HTR2A: variants seen among roughly 807,000 people sequenced by gnomAD.
HTR2A encodes 5-hydroxytryptamine receptor 2A, also known as 5-HT2 receptor.
Under a neutral mutation model 31.0 loss-of-function variants are expected in HTR2A, and 14 were observed. That is an observed-to-expected ratio of 0.45 (90% CI 0.30 to 0.71). HTR2A has a LOEUF of 0.71. HTR2A is among the 30% of genes least tolerant of loss of function. HTR2A has a pLI of 0.09. For synonymous variants in HTR2A, 209 were observed against 225.2 expected, an observed-to-expected ratio of 0.93 and a Z score of 0.64; for missense variants, 442 against 573.3, an observed-to-expected ratio of 0.77 and a Z score of 2.34.
chr13:46,876,657 C>G (rs1172798860), intron 3 of HTR2A, among the ~76,000 whole-genome samples: 10 of 151,854 alleles, frequency 6.6e-5, no homozygotes, highest in Admixed American at 4.6e-4. Flanking sequence ...ACCTTGTGAT[C>G]CATCCGCCTC....
intron 3 of HTR2A, among the ~76,000 whole-genome samples, chr13:46,838,788 A>G (rs1486980574): frequency 6.6e-6 from 1 of 152,192 alleles, no homozygotes; most frequent in Non-Finnish European, 1.5e-5. Context: ...TGATTTTGTT[A>G]TTAAACTCTT....
rs1294300613 is a variant in HTR2A at position 46,895,443 on chromosome 13, A to C, written c.412+52T>G. 2 of 1,555,426 alleles carry C rather than the reference A, an allele frequency of 1.3e-6. No homozygotes were observed. Among genetic ancestry groups the C allele is most frequent in the African/African-American group, 1.4e-5 (1 of 73,866 alleles). The stretch of plus-strand genomic sequence containing the variant: ...CCCATCTCATCTGCTGGTGGCATGC[A>C]CATGCTCTTTATTACCAGTGCGAAT... On this transcript the variant is annotated intron_variant, in intron 2 of 3. Transcript: ENST00000542664. The surrounding 1 kb of genome is among the most constrained non-coding windows in gnomAD (Gnocchi z 4.4).
rs908672922 is a variant in HTR2A at position 46,833,373 on chromosome 13, T to C, written c.*1464A>G. On this transcript the variant is annotated 3_prime_UTR_variant, in exon 4 of 4. Transcript: ENST00000542664. ...GTCATTTTCTTTTTTTCTTTCTTTT[T>C]TTTTGTGATAGGGTCTCACTCTGTT... 6.6e-6 allele frequency: 1 copy of C among 152,140 alleles called. No individual in the cohort carries two copies. Among genetic ancestry groups the C allele is most frequent in the African/African-American group, 2.4e-5 (1 of 41,420 alleles). 9.4% of individuals were successfully genotyped at this position (152,140 alleles called of 1,614,324 possible).
At chr13:46,878,317 C>T (rs1255630862) in intron 3 of HTR2A, among the ~76,000 whole-genome samples, 2 of 152,152 alleles carry the variant, frequency 1.3e-5, no homozygotes. Flanking sequence ...GAGAGGAATT[C>T]TGTGAGTCTA....
At chr13:46,845,645 A>G (rs1486499489) in intron 3 of HTR2A, among the ~76,000 whole-genome samples, 1 of 104,928 alleles carries the variant, frequency 9.5e-6, no homozygotes, top group Non-Finnish European at 2.0e-5. Context: ...CATCACTCCA[A>G]AAAAAAAAAA....
In HTR2A at chr13:46,835,427, C is replaced by T; in HGVS notation, c.826G>A (p.Ala276Thr). The T allele has an allele frequency of 6.2e-7, 1 of 1,614,024 alleles. No homozygotes were observed. Among genetic ancestry groups the T allele is most frequent in the Non-Finnish European group, 8.5e-7 (1 of 1,179,968 alleles). The change falls in exon 4 of 4, where the codon GCC becomes ACC. Residue 276 changes from alanine to threonine, a missense_variant. Transcript: ENST00000542664. ...AGGAAGCTGAAAGAAGCTAATTTGG[C>T]CCGTGTGCCAAGATCACTTACACAC... is the stretch of plus-strand genomic sequence containing the variant. Reference protein sequence around the residue: ...TLCVSDLGTRAKLASFSFLPQ... With the variant: ...TLCVSDLGTRTKLASFSFLPQ...
rs199660181 is a variant in HTR2A at position 46,885,050 on chromosome 13, GT to G, written c.613+7339del. Among the ~76,000 whole-genome samples the G allele has an allele frequency of 1.6e-3, 240 of 150,926 alleles. 1 individual carries two copies. Among genetic ancestry groups the G allele is most frequent in the East Asian group, 2.7e-3 (14 of 5,156 alleles). ...AAGGATACTAAACTTGATATAGACT[GT>G]TTTTTTTTCCTGTATATGCGTACCT... is the stretch of plus-strand genomic sequence containing the variant. On this transcript the variant is annotated intron_variant, in intron 3 of 3. Transcript: ENST00000542664.
Position 46,895,604 on chromosome 13 carries a change from T to TA in HTR2A, c.302dup (p.Glu102ArgfsTer19). On this transcript the variant is annotated frameshift_variant, in exon 2 of 4. Transcript: ENST00000542664. LOFTEE classifies it high-confidence loss of function. This position sits in a 1 kb window ranked among gnomAD's most constrained non-coding sequence, Gnocchi z 4.4. Reference sequence around the variant, plus strand: ...TGGTGGCATTCTGCAGCTTTTTCTCTAGGGACACTGCCATGATGACGAGTA... The same window carrying TA: ...TGGTGGCATTCTGCAGCTTTTTCTCTAAGGGACACTGCCATGATGACGAGTA... 6.2e-7 allele frequency: 1 copy of TA among 1,614,210 alleles called. No individual in the cohort carries two copies. The highest frequency in any genetic ancestry group is 8.5e-7 in the Non-Finnish European group (1 of 1,180,036).
intron 3 of HTR2A, among the ~76,000 whole-genome samples, chr13:46,890,729 G>A (rs1951046554): frequency 6.6e-6 from 1 of 151,980 alleles, no homozygotes; most frequent in Non-Finnish European, 1.5e-5. Context: ...AGTATATTGG[G>A]GTAAAACTAT....
At position 46,834,768 on chromosome 13, in the gene HTR2A, T is replaced by TA. The variant is rs1040701743; in HGVS notation, c.*68_*69insT. The TA allele has an allele frequency of 1.2e-5, 8 of 641,610 alleles. No individual in the cohort carries two copies. The highest frequency in any genetic ancestry group is 4.4e-5 in the Admixed American group (1 of 22,550). The allele number at this position is 641,610 out of a possible 1,614,324, so 39.7% of individuals were successfully genotyped here. On this transcript the variant is annotated 3_prime_UTR_variant, in exon 4 of 4. Coordinates refer to ENST00000542664, the MANE Select transcript of HTR2A (RefSeq NM_000621.5). ...TTGTCTAATTTTTTCCAATCTCATA[T>TA]TTTTTTTTTTCCAGATAGGTGAAAA...
chr13:46,876,810 A>G (rs1192735298), intron 3 of HTR2A, among the ~76,000 whole-genome samples: 1 of 152,134 alleles, frequency 6.6e-6, no homozygotes, highest in East Asian at 1.9e-4. Context: ...TGTGTCCCCC[A>G]CATGCTTGTA....
intron 3 of HTR2A, among the ~76,000 whole-genome samples, chr13:46,883,089 T>A (rs1950979168): frequency 6.6e-6 from 1 of 152,220 alleles, no homozygotes; most frequent in Non-Finnish European, 1.5e-5. Context: ...GGGCAGCCAA[T>A]TATAGAAAAT....
At chr13:46,839,904 C>T (rs1430995416) in intron 3 of HTR2A, among the ~76,000 whole-genome samples, 1 of 152,158 alleles carries the variant, frequency 6.6e-6, no homozygotes, top group Admixed American at 6.5e-5. Context: ...GAAGGACTGG[C>T]TTTATTCTTA....
chr13:46,880,789 A>G (rs1270307291), intron 3 of HTR2A, among the ~76,000 whole-genome samples: 1 of 152,096 alleles, frequency 6.6e-6, no homozygotes, highest in African/African-American at 2.4e-5. Flanking sequence ...CGGTGAGCCA[A>G]AATGGTGCCA....
At chr13:46,842,541 C>T (rs7994746) in intron 3 of HTR2A, among the ~76,000 whole-genome samples, 2,697 of 152,220 alleles carry the variant, frequency 0.018, 80 homozygotes, top group African/African-American at 0.062. Flanking sequence ...CCTCCAGCCT[C>T]GCTTGTATGC....
At chr13:46,887,916 G>T (rs758678519) in intron 3 of HTR2A, among the ~76,000 whole-genome samples, 10 of 151,978 alleles carry the variant, frequency 6.6e-5, no homozygotes, top group Non-Finnish European at 1.5e-4. Flanking sequence ...GCCTGTTGGT[G>T]GGGGGAGGTG....
chr13:46,880,475 G>T (rs1053872645), intron 3 of HTR2A, among the ~76,000 whole-genome samples: 4 of 152,144 alleles, frequency 2.6e-5, no homozygotes, highest in African/African-American at 9.7e-5. Flanking sequence ...TTCTTAGAAA[G>T]AATATTTAGC....
chr13:46,868,066 G>C (rs1335557651), intron 3 of HTR2A, among the ~76,000 whole-genome samples: 1 of 152,192 alleles, frequency 6.6e-6, no homozygotes, highest in African/African-American at 2.4e-5. Context: ...TGGAAATCTA[G>C]ATAATATTGT....
chr13:46,862,582 A>G (rs1218735436), intron 3 of HTR2A, among the ~76,000 whole-genome samples: 1 of 152,184 alleles, frequency 6.6e-6, no homozygotes, highest in African/African-American at 2.4e-5. Context: ...AGAAATAGAA[A>G]AGAGAAACAG....
Sources: gnomAD v4.1 joint callset for allele counts (sites outside exome capture counted in the v4.1 genomes callset) on GRCh38, gnomAD v4.1.1 for gene constraint, Gnocchi (gnomAD v3.1) non-coding constraint, MANE v1.5 for transcripts, NCBI Gene and HGNC (gene_info 2026-07-23, HGNC 2026-07-21) for gene names.